ORC5: variants seen among roughly 807,000 people sequenced by gnomAD.
ORC5 encodes the protein protein phosphatase 1, regulatory subunit 117.
Under a neutral mutation model 58.8 loss-of-function variants are expected in ORC5, and 39 were observed. That is an observed-to-expected ratio of 0.66 (90% CI 0.51 to 0.87). ORC5 has a LOEUF of 0.87. Among genes scored for constraint, ORC5 ranks in the 40% least tolerant of loss-of-function variants. The pLI, the probability that ORC5 is intolerant of heterozygous loss-of-function variation, is 0.00. For synonymous variants in ORC5, 218 were observed against 177.6 expected, an observed-to-expected ratio of 1.23 and a Z score of -1.81; for missense variants, 493 against 506.3, an observed-to-expected ratio of 0.97 and a Z score of 0.25.
chr7:104,204,473 A>G (rs1800026265), intron 1 of ORC5, among the ~76,000 whole-genome samples: 1 of 152,174 alleles, frequency 6.6e-6, no homozygotes, highest in South Asian at 2.1e-4. Flanking sequence ...TGTACTATAT[A>G]TTTATATTTT....
At chr7:104,177,668 T>C (rs1562819893) in intron 8 of ORC5, among the ~76,000 whole-genome samples, 1 of 152,104 alleles carries the variant, frequency 6.6e-6, no homozygotes, top group Non-Finnish European at 1.5e-5. Flanking sequence ...CGTCCCATCA[T>C]CTCAGTTTTA....
intron 2 of ORC5, chr7:104,202,635 A>G (rs1219365320): frequency 1.5e-5 from 6 of 396,968 alleles, no homozygotes; most frequent in Non-Finnish European, 3.0e-5. Flanking sequence ...TACAGTCCTT[A>G]AATATGAAAC....
chr7:104,137,177 A>G (rs1190923222), intron 12 of ORC5, among the ~76,000 whole-genome samples: 5 of 147,526 alleles, frequency 3.4e-5, no homozygotes, highest in African/African-American at 1.0e-4. Flanking sequence ...ATCACAGTTC[A>G]CTGGAGTTTC....
intron 1 of ORC5, among the ~76,000 whole-genome samples, chr7:104,206,547 T>C (rs1263613823): frequency 6.6e-6 from 1 of 152,186 alleles, no homozygotes; most frequent in Non-Finnish European, 1.5e-5. Context: ...ATAACTATAA[T>C]TGAAAGCAGT....
chr7:104,188,497 G>A, intron 5 of ORC5, 116 bp from the exon 6 acceptor site: 9 of 647,206 alleles, frequency 1.4e-5, no homozygotes, highest in South Asian at 3.0e-5. Context: ...CAACAATTAA[G>A]GAATAATAAA....
At chr7:104,168,614 T>G (rs1261123591) in intron 8 of ORC5, 89 bp from the exon 9 acceptor site, 1 of 640,994 alleles carries the variant, frequency 1.6e-6, no homozygotes, top group Non-Finnish European at 2.5e-6. Context: ...AAACTAAATT[T>G]TTTTATTTAT....
At chr7:104,131,893 T>C (rs914794373) in intron 13 of ORC5, among the ~76,000 whole-genome samples, 4 of 151,494 alleles carry the variant, frequency 2.6e-5, no homozygotes, top group African/African-American at 9.7e-5. Context: ...AAAAATACTC[T>C]CTCTCCTTTA....
chr7:104,201,249 T>TG (rs1328989600), intron 2 of ORC5, among the ~76,000 whole-genome samples: 2 of 152,224 alleles, frequency 1.3e-5, no homozygotes, highest in East Asian at 3.9e-4. Flanking sequence ...GGCCCTAGCT[T>TG]GGCAGTGGAT....
chr7:104,173,396 T>G (rs928394227), intron 8 of ORC5, among the ~76,000 whole-genome samples: 3 of 152,208 alleles, frequency 2.0e-5, no homozygotes, highest in South Asian at 4.1e-4. Flanking sequence ...TAGATTATCA[T>G]TTTCTTTTAG....
chr7:104,187,124 G>A (rs1799562131), intron 6 of ORC5, among the ~76,000 whole-genome samples: 1 of 152,110 alleles, frequency 6.6e-6, no homozygotes, highest in Admixed American at 6.5e-5. Context: ...AGACCGAGGA[G>A]GATTATCTGC....
At chr7:104,196,493 A>G (rs1485240852) in intron 4 of ORC5, among the ~76,000 whole-genome samples, 1 of 152,198 alleles carries the variant, frequency 6.6e-6, no homozygotes, top group African/African-American at 2.4e-5. Context: ...CAATAGCTAC[A>G]CTTATTATCC....
At chr7:104,186,125 C>T (rs1047539089) in intron 6 of ORC5, among the ~76,000 whole-genome samples, 1 of 151,970 alleles carries the variant, frequency 6.6e-6, no homozygotes, top group African/African-American at 2.4e-5. Flanking sequence ...TTAACAGCAA[C>T]TGGTACACAA....
At chr7:104,179,710 T>C (rs1345154907) in intron 8 of ORC5, among the ~76,000 whole-genome samples, 2 of 152,124 alleles carry the variant, frequency 1.3e-5, no homozygotes, top group African/African-American at 4.8e-5. Flanking sequence ...TTAGTAAAGC[T>C]GTCTTCTTCA....
chr7:104,195,352 G>T, intron 4 of ORC5, 98 bp from the exon 5 acceptor site: 1 of 582,104 alleles, frequency 1.7e-6, no homozygotes, highest in Non-Finnish European at 3.0e-6. Flanking sequence ...TCCCCCCAGA[G>T]TTCTAACCTA....
At chr7:104,168,614 TTTTTA>T in intron 8 of ORC5, 89 bp from the exon 9 acceptor site, 1 of 640,994 alleles carries the variant, frequency 1.6e-6, no homozygotes. Flanking sequence ...AAACTAAATT[TTTTTA>T]TTTATTAACA....
intron 12 of ORC5, among the ~76,000 whole-genome samples, chr7:104,141,945 A>G (rs2115773077): frequency 6.6e-6 from 1 of 152,262 alleles, no homozygotes; most frequent in East Asian, 1.9e-4. Context: ...TTCCAATGGC[A>G]TTTTTCACAG....
At chr7:104,176,555 TGGTC>T (rs1345900002) in intron 8 of ORC5, among the ~76,000 whole-genome samples, 3 of 152,178 alleles carry the variant, frequency 2.0e-5, no homozygotes, top group Non-Finnish European at 4.4e-5. Context: ...ATGTTAATGA[TGGTC>T]AGTTGTGCCT....
intron 12 of ORC5, among the ~76,000 whole-genome samples, chr7:104,160,337 C>T (rs936544619): frequency 1.3e-5 from 2 of 152,102 alleles, no homozygotes; most frequent in African/African-American, 4.8e-5. Flanking sequence ...TATTTCTCAA[C>T]CTAAAAATGC....
At chr7:104,174,272 T>C (rs1799276781) in intron 8 of ORC5, among the ~76,000 whole-genome samples, 1 of 152,204 alleles carries the variant, frequency 6.6e-6, no homozygotes, top group Non-Finnish European at 1.5e-5. Flanking sequence ...ACATTCTAAA[T>C]GGTGGGCACA....
Sources: gnomAD v4.1 joint callset for allele counts (sites outside exome capture counted in the v4.1 genomes callset) on GRCh38, gnomAD v4.1.1 for gene constraint, MANE v1.5 for transcripts, NCBI Gene and HGNC (gene_info 2026-07-23, HGNC 2026-07-21) for gene names.